The following AGRN variants were observed in gnomAD, a reference collection of about 807,000 sequenced individuals.
AGRN encodes the protein agrin.
In AGRN, 106 loss-of-function variants were observed where a neutral mutation model predicts 211.0. That is an observed-to-expected ratio of 0.50 (90% CI 0.43 to 0.59). The LOEUF (loss-of-function observed/expected upper bound fraction) is 0.59, where lower values mean the gene tolerates loss of function less well. AGRN is among the 20% of genes least tolerant of loss of function. AGRN has a pLI of 0.00. For missense variants in AGRN, 3,040 were observed against 2,982.6 expected (o/e 1.02, Z -0.45); for synonymous variants, 1,525 against 1,332.5 (o/e 1.14, Z -3.15).
chr1:1,035,075 G>A lies in AGRN; in HGVS notation c.464-202G>A, dbSNP rs116522930. On this transcript the variant is annotated intron_variant, in intron 2 of 35. Coordinates refer to ENST00000379370, the MANE Select transcript of AGRN (RefSeq NM_198576.4). ...CAGGCCATGACTATTTGGCTGGAGG[G>A]GCAGAGAAAAGCAGGGGCCTCTGTC... 2,173 of 662,690 alleles carry A rather than the reference G, an allele frequency of 3.3e-3. 35 individuals carry two copies. In the African/African-American group the frequency reaches 0.033, roughly 10 times the overall value. The allele number at this position is 662,690 out of a possible 1,614,324, so 41.1% of individuals were successfully genotyped here. A position where few individuals can be genotyped will look rare whatever the true frequency, so the allele number is the denominator to read the frequency against.
rs145444272 is a variant in AGRN at position 1,050,785 on chromosome 1, G to A, written c.5201G>A (p.Arg1734His). ...AGGGTCTCACTGGAGCGAAACGGCC[G>A]CAAGGGTGCCCTGCGTGTGGGCGAC... ...WTRVSLERNG[R>H]KGALRVGDGP... is the part of the protein sequence containing the mutation. The change falls in exon 30 of 36, where the codon CGC (arginine) becomes CAC (histidine). Residue 1734 changes from arginine to histidine, a missense_variant. Transcript: ENST00000379370. 6,165 of 1,601,112 alleles carry A rather than the reference G, an allele frequency of 3.9e-3. 20 individuals carry two copies. Among genetic ancestry groups the A allele is most frequent in the Non-Finnish European group, 4.0e-3 (4,750 of 1,177,272 alleles).
rs1244200287 is a variant in AGRN, at chr1:1,047,157, C to G, written c.3389-170C>G. Reference sequence around the variant, plus strand: ...GTGTGGCACACTGCTCTGAGGAGTCCTCCTGGTAACCGACACCAGCCCCAC... The same window carrying G: ...GTGTGGCACACTGCTCTGAGGAGTCGTCCTGGTAACCGACACCAGCCCCAC... On this transcript the variant is annotated intron_variant, in intron 19 of 35. Transcript: ENST00000379370. The G allele has an allele frequency of 1.2e-5, 16 of 1,350,482 alleles. No homozygotes were observed. In the Admixed American group the frequency reaches 1.3e-4, roughly 11 times the overall value. The allele number at this position is 1,350,482 out of a possible 1,614,324, so 83.7% of individuals were successfully genotyped here.
chr1:1,021,737 C>A (rs545638511), intron 1 of AGRN, among the ~76,000 whole-genome samples: 2 of 152,234 alleles, frequency 1.3e-5, no homozygotes, highest in South Asian at 2.1e-4. Flanking sequence ...ACTGTAGAAG[C>A]CCGAGGAAGG....
chr1:1,046,560 G>A lies in AGRN; in HGVS notation c.3075G>A (p.Arg1025=). The change falls in exon 18 of 36, where the codon CGG becomes CGA. Residue 1025 remains arginine, a synonymous_variant. Transcript: ENST00000379370. ...QTTPPPSSRP[R]TTASVPRTTV... is the part of the protein sequence containing the mutation. ...CCCCTCCGCCCTCATCACGACCTCG[G>A]ACCACTGCCAGCGTCCCCAGGACCA... is the stretch of plus-strand genomic sequence containing the variant. 6.2e-7 allele frequency: 1 copy of A among 1,609,248 alleles called. No homozygotes were observed. The highest frequency in any genetic ancestry group is 1.1e-5 in the South Asian group (1 of 91,020).
Position 1,054,526 on chromosome 1 carries a change from G to T in AGRN, c.5955G>T (p.Leu1985=). ...CCTCCCCGCTGGGCGCCACGCAGCT[G>T]GACACTGATGGAGCCCTGTGGCTTG... The part of the protein sequence containing the change: ...TGSSPLGATQ[L]DTDGALWLGG... The change falls in exon 35 of 36, where the codon CTG becomes CTT. Residue 1985 remains leucine (L), a synonymous_variant. Transcript: ENST00000379370. 4 of 1,600,978 alleles carry T rather than the reference G, an allele frequency of 2.5e-6. No individual in the cohort carries two copies. Among genetic ancestry groups the T allele is most frequent in the Non-Finnish European group, 3.4e-6 (4 of 1,174,968 alleles).
At position 1,045,208 on chromosome 1, in the gene AGRN, C is replaced by T; in HGVS notation, c.2302C>T (p.Gln768Ter). 6.2e-7 allele frequency: 1 copy of T among 1,612,694 alleles called. No individual in the cohort carries two copies. Among genetic ancestry groups the T allele is most frequent in the East Asian group, 2.2e-5 (1 of 44,880 alleles). The change falls in exon 13 of 36, where the codon CAG (glutamine) becomes TAG (stop). Residue 768 changes from glutamine (Q) to a stop codon, truncating the protein, a stop_gained. Coordinates refer to ENST00000379370, the MANE Select transcript of AGRN (RefSeq NM_198576.4). LOFTEE classifies it high-confidence loss of function. ...GCCTGTGGCCCCCTTACACTGTGCC[C>T]AGACGCCCTACGGCTGCTGCCAGGA... is the stretch of plus-strand genomic sequence containing the variant. Reference protein sequence around the residue: ...LPPVAPLHCAQTPYGCCQDNI... With the variant: ...LPPVAPLHCA
chr1:1,029,468 A>G (rs4970344), intron 2 of AGRN, among the ~76,000 whole-genome samples: 1 of 137,422 alleles, frequency 7.3e-6, no homozygotes, highest in Non-Finnish European at 1.5e-5. Flanking sequence ...CGTGTCTATG[A>G]GGGCAGGTGG....
At chr1:1,042,881 CAGAG>C (rs1320390650) in intron 7 of AGRN, among the ~76,000 whole-genome samples, 2 of 152,066 alleles carry the variant, frequency 1.3e-5, no homozygotes, top group Non-Finnish European at 2.9e-5. Context: ...CTCCCACCCA[CAGAG>C]AGCCCCCCCA....
chr1:1,046,979 G>A (rs781616678), intron 19 of AGRN, 22 bp downstream of exon 19: 107 of 1,566,114 alleles, frequency 6.8e-5, no homozygotes, highest in Middle Eastern at 1.8e-4. Context: ...GCTGGGCGAG[G>A]GGAGTGTGAG....
rs963844927 is a variant in AGRN, at chr1:1,051,645, G to A, written c.5563G>A (p.Gly1855Arg). ...ATTCTCAGGACCGCACTGCGAGAAG[G>A]GTGAGCCTGGCACAGGGCAGGGGGC... ...GGFSGPHCEK[G>R]LVEKSAGDVD... Residue 1855 changes from glycine to arginine, a missense_variant and splice_region_variant, in exon 32 of 36, where the codon GGG becomes AGG. This residue lies in a region of AGRN where 1,537 missense variants were observed against 1,505.0 expected (regional missense o/e 1.02). Transcript: ENST00000379370. 6.2e-6 allele frequency: 10 copies of A among 1,612,274 alleles called. No individual in the cohort carries two copies. The highest frequency in any genetic ancestry group is 2.7e-5 in the African/African-American group (2 of 74,930).
chr1:1,050,999 G>C, intron 30 of AGRN, 162 bp downstream of exon 30: 1 of 1,550,030 alleles, frequency 6.5e-7, no homozygotes, highest in East Asian at 2.4e-5. Context: ...CTCTGCTCTC[G>C]CTCTGCAACC....
chr1:1,038,015 G>A (rs951883421), intron 3 of AGRN, among the ~76,000 whole-genome samples: 1 of 152,256 alleles, frequency 6.6e-6, no homozygotes, highest in South Asian at 2.1e-4. Context: ...AGCGGAGAAT[G>A]GGGGGGTGGG....
At position 1,054,957 on chromosome 1, in the gene AGRN, G is replaced by T; in HGVS notation, c.6114G>T (p.Glu2038Asp). ...HLLEDAVTKPELRPCPTP is the reference protein window; with the variant it reads ...HLLEDAVTKPDLRPCPTP ...TGGAGGACGCCGTCACCAAGCCAGAGCTGCGGCCCTGCCCCACCCCATGAG... is the reference window on the plus strand; with the variant it reads ...TGGAGGACGCCGTCACCAAGCCAGATCTGCGGCCCTGCCCCACCCCATGAG... Residue 2038 changes from glutamate (E) to aspartate (D), a missense_variant, in exon 36 of 36, where the codon GAG becomes GAT. Glu to Asp is a conservative substitution (Grantham distance 45). Transcript: ENST00000379370. The T allele has an allele frequency of 6.5e-7, 1 of 1,548,978 alleles. No homozygotes were observed. Among genetic ancestry groups the T allele is most frequent in the Non-Finnish European group, 8.7e-7 (1 of 1,147,150 alleles).
At chr1:1,047,729 G>A (rs764335508) in intron 21 of AGRN, 42 bp downstream of exon 21, 2 of 1,612,322 alleles carry the variant, frequency 1.2e-6, no homozygotes, top group Admixed American at 1.7e-5. Context: ...GGCAATGGGT[G>A]GGGGATGCCT....
At chr1:1,053,308 C>T in intron 33 of AGRN, 1 of 574,626 alleles carries the variant, frequency 1.7e-6, no homozygotes, top group Non-Finnish European at 2.6e-6. Context: ...TGTAGGTGTC[C>T]CTGCTGGGCT....
rs1645204336 is a variant in AGRN at position 1,049,351 on chromosome 1, G to A, written c.4414G>A (p.Gly1472Ser). ...GCGCCGGGGCACCCTCTCGGTGGAT[G>A]GTGAGACCCCTGTTCTGGGCGAGAG... The part of the protein sequence containing the change: ...HWRRGTLSVD[G>S]ETPVLGESPS... Residue 1472 changes from glycine to serine, a missense_variant, in exon 25 of 36, where the codon GGT (glycine) becomes AGT (serine). By Grantham distance (56) the Gly-to-Ser change is moderately conservative. Coordinates refer to ENST00000379370, the MANE Select transcript of AGRN (RefSeq NM_198576.4). The A allele has an allele frequency of 6.3e-7, 1 of 1,598,534 alleles. No individual in the cohort carries two copies. Among genetic ancestry groups the A allele is most frequent in the Non-Finnish European group, 8.5e-7 (1 of 1,179,662 alleles).
intron 2 of AGRN, among the ~76,000 whole-genome samples, chr1:1,026,932 G>A (rs557136103): frequency 7.9e-5 from 12 of 152,348 alleles, no homozygotes; most frequent in Non-Finnish European, 1.5e-4. Context: ...AGTCCTGTGC[G>A]CCCCTCAGGC....
chr1:1,039,857 G>A (rs1644887481), intron 3 of AGRN, among the ~76,000 whole-genome samples: 1 of 152,026 alleles, frequency 6.6e-6, no homozygotes, highest in African/African-American at 2.4e-5. Flanking sequence ...GGATCCCAGG[G>A]AGCGATGGGA....
intron 2 of AGRN, among the ~76,000 whole-genome samples, chr1:1,029,318 T>A (rs552539375): frequency 7.6e-6 from 1 of 131,336 alleles, no homozygotes; most frequent in Non-Finnish European, 1.7e-5. Flanking sequence ...TGGGTGGGGG[T>A]TGAGGGACAA....
Sources: gnomAD v4.1 joint callset for allele counts (sites outside exome capture counted in the v4.1 genomes callset) on GRCh38, gnomAD v4.1.1 for gene constraint, gnomAD v4.1.1 regional missense constraint, MANE v1.5 for transcripts, NCBI Gene and HGNC (gene_info 2026-07-23, HGNC 2026-07-21) for gene names.